Variants in GNG12 observed in about 807,000 individuals in gnomAD.
GNG12 encodes guanine nucleotide-binding protein G(I)/G(S)/G(O) subunit gamma-12.
For synonymous variants in GNG12, 28 were observed against 29.7 expected (o/e 0.94, Z 0.19); for missense variants, 69 against 83.8 (o/e 0.82, Z 0.69).
intron 1 of GNG12, among the ~76,000 whole-genome samples, chr1:67,778,725 T>C (rs1345567855): frequency 2.0e-5 from 3 of 152,182 alleles, no homozygotes; most frequent in Non-Finnish European, 4.4e-5. Context: ...GGGATGGGAT[T>C]CAAATCTAAG....
At chr1:67,761,705 G>A (rs972158275) in intron 2 of GNG12, among the ~76,000 whole-genome samples, 9 of 152,054 alleles carry the variant, frequency 5.9e-5, no homozygotes, top group Admixed American at 3.3e-4. Context: ...ATCCGAGATC[G>A]GCAAACTCTC....
intron 2 of GNG12, among the ~76,000 whole-genome samples, chr1:67,716,068 T>A (rs1345124833): frequency 3.3e-5 from 5 of 152,134 alleles, no homozygotes; most frequent in Non-Finnish European, 7.3e-5. Flanking sequence ...AAAGAGAACA[T>A]GTTGCTGGCT....
At chr1:67,811,290 T>C (rs2249129) in intron 1 of GNG12, among the ~76,000 whole-genome samples, 109,468 of 151,922 alleles carry the variant, frequency 0.72, 39,542 homozygotes, top group Middle Eastern at 0.8. Flanking sequence ...GATGTGTGCC[T>C]TCGAGGTCTC....
intron 2 of GNG12, among the ~76,000 whole-genome samples, chr1:67,721,936 GC>G (rs1383728097): frequency 1.3e-5 from 2 of 151,902 alleles, no homozygotes; most frequent in African/African-American, 4.8e-5. Context: ...CCTGGATATT[GC>G]CCACAATGTA....
chr1:67,767,422 A>T (rs1646647803), intron 2 of GNG12, among the ~76,000 whole-genome samples: 1 of 151,884 alleles, frequency 6.6e-6, no homozygotes, highest in African/African-American at 2.4e-5. Flanking sequence ...AAGGGAACAA[A>T]CTCCTCTGCC....
intron 1 of GNG12, among the ~76,000 whole-genome samples, chr1:67,789,651 G>C (rs1646789724): frequency 6.6e-6 from 1 of 152,162 alleles, no homozygotes. Context: ...GACATATTCA[G>C]GTTATGTCTG....
intron 2 of GNG12, among the ~76,000 whole-genome samples, chr1:67,713,152 G>C (rs1646306125): frequency 6.6e-6 from 1 of 152,044 alleles, no homozygotes; most frequent in African/African-American, 2.4e-5. Context: ...AGACAGTTTC[G>C]GCTCCTAGAC....
chr1:67,744,919 G>GCT (rs1646500270), intron 2 of GNG12, among the ~76,000 whole-genome samples: 1 of 152,188 alleles, frequency 6.6e-6, no homozygotes. Flanking sequence ...ACAGGCTGGA[G>GCT]CCAGAATGTC....
intron 1 of GNG12, among the ~76,000 whole-genome samples, chr1:67,807,255 A>C (rs1345147456): frequency 1.3e-5 from 2 of 152,060 alleles, no homozygotes; most frequent in African/African-American, 4.8e-5. Context: ...AAATACACCT[A>C]ATCAAAACTT....
intron 1 of GNG12, among the ~76,000 whole-genome samples, chr1:67,820,191 C>T (rs1465157564): frequency 6.6e-6 from 1 of 151,910 alleles, no homozygotes; most frequent in Non-Finnish European, 1.5e-5. Context: ...GAGTTCAAGA[C>T]CAGCCTGACC....
chr1:67,754,077 C>T (rs895200972), intron 2 of GNG12, among the ~76,000 whole-genome samples: 2 of 152,122 alleles, frequency 1.3e-5, no homozygotes, highest in African/African-American at 4.8e-5. Flanking sequence ...TGTTCCCGGT[C>T]GTGCCCGGAG....
chr1:67,779,998 T>C (rs1299658663), intron 1 of GNG12, among the ~76,000 whole-genome samples: 1 of 152,190 alleles, frequency 6.6e-6, no homozygotes, highest in East Asian at 1.9e-4. Flanking sequence ...ATCTTTAAAA[T>C]AGGTTGTTTT....
intron 2 of GNG12, among the ~76,000 whole-genome samples, chr1:67,766,610 T>G (rs1261903959): frequency 1.4e-4 from 21 of 151,888 alleles, no homozygotes; most frequent in Admixed American, 7.9e-4. Context: ...TTGGTGTTTT[T>G]TTTTTTTTTT....
At chr1:67,727,163 A>C (rs971287526) in intron 2 of GNG12, among the ~76,000 whole-genome samples, 6 of 152,232 alleles carry the variant, frequency 3.9e-5, no homozygotes, top group African/African-American at 1.4e-4. Context: ...ATACAACAAT[A>C]TTATGCCTTT....
intron 1 of GNG12, among the ~76,000 whole-genome samples, chr1:67,787,253 C>CTG (rs1209472589): frequency 3.3e-5 from 5 of 151,972 alleles, no homozygotes; most frequent in Admixed American, 6.6e-5. Flanking sequence ...GGAAGCTAAA[C>CTG]TGTACAGAAT....
At chr1:67,796,278 T>A (rs572456206) in intron 1 of GNG12, among the ~76,000 whole-genome samples, 2 of 152,310 alleles carry the variant, frequency 1.3e-5, no homozygotes, top group African/African-American at 4.8e-5. Flanking sequence ...CACATACTCT[T>A]TTCACATTGC....
At position 67,833,428 on chromosome 1, in the gene GNG12, C is replaced by T; in HGVS notation, c.-161G>A. The T allele has an allele frequency of 1.0e-6, 1 of 985,456 alleles. No homozygotes were observed. Among genetic ancestry groups the T allele is most frequent in the Non-Finnish European group, 1.2e-6 (1 of 830,176 alleles). The allele number at this position is 985,456 out of a possible 1,614,324, so 61.0% of individuals were successfully genotyped here. A position where few individuals can be genotyped will look rare whatever the true frequency, so the allele number is the denominator to read the frequency against. On this transcript the variant is annotated 5_prime_UTR_variant, in exon 1 of 4. Coordinates refer to ENST00000370982, the MANE Select transcript of GNG12 (RefSeq NM_018841.6). ...GAGACGGCTCCGACCTCTCCTCCTCCTCCTCCTCTTGCTCCTCCGGGCGCC... is the reference window on the plus strand; with the variant it reads ...GAGACGGCTCCGACCTCTCCTCCTCTTCCTCCTCTTGCTCCTCCGGGCGCC...
intron 2 of GNG12, among the ~76,000 whole-genome samples, chr1:67,717,201 A>G (rs771273304): frequency 3.3e-5 from 5 of 152,036 alleles, no homozygotes; most frequent in Non-Finnish European, 7.4e-5. Flanking sequence ...CTGCCTGGGG[A>G]TTAAAAAATG....
chr1:67,706,188 A>T (rs1646246478), intron 3 of GNG12, among the ~76,000 whole-genome samples: 1 of 152,222 alleles, frequency 6.6e-6, no homozygotes, highest in Non-Finnish European at 1.5e-5. Context: ...GCAGGTTTGA[A>T]ATGTCTCAAA....
Sources: allele counts gnomAD v4.1 joint callset (sites outside exome capture counted in the v4.1 genomes callset), GRCh38; gene constraint gnomAD v4.1.1; transcripts MANE v1.5; gene names NCBI Gene and HGNC (gene_info 2026-07-23, HGNC 2026-07-21).